FERMT2: variants seen among roughly 807,000 people sequenced by gnomAD.
FERMT2 encodes FERM domain containing kindlin 2, also known as fermitin family homolog 2.
A neutral mutation model predicts 82.7 loss-of-function variants in FERMT2; 15 were observed. The ratio of observed to expected loss-of-function variants is 0.18; its 90% CI spans 0.12 to 0.28. The LOEUF is 0.28. FERMT2 is among the 10% of genes least tolerant of loss of function. The probability of loss-of-function intolerance (pLI) is 1.00; values close to 1 mark genes in which losing one functional copy is unlikely to be tolerated. For synonymous variants in FERMT2, 274 were observed against 271.5 expected, an observed-to-expected ratio of 1.01 and a Z score of -0.09; for missense variants, 645 against 809.4, an observed-to-expected ratio of 0.80 and a Z score of 2.46.
At chr14:52,865,934 T>C (rs1007326369) in intron 10 of FERMT2, among the ~76,000 whole-genome samples, 3 of 152,218 alleles carry the variant, frequency 2.0e-5, no homozygotes, top group Admixed American at 6.5e-5. Flanking sequence ...TTTTAAAATA[T>C]TTACTACATA....
chr14:52,866,154 GAC>G (rs1885267160), intron 10 of FERMT2, among the ~76,000 whole-genome samples: 1 of 152,154 alleles, frequency 6.6e-6, no homozygotes, highest in Non-Finnish European at 1.5e-5. Context: ...AACAGGGAGA[GAC>G]AAAGTGGGTG....
At chr14:52,936,159 A>G (rs1406879954) in intron 2 of FERMT2, among the ~76,000 whole-genome samples, 1 of 152,240 alleles carries the variant, frequency 6.6e-6, no homozygotes, top group Non-Finnish European at 1.5e-5. Flanking sequence ...TTGGACTTAG[A>G]GAAGTATTAG....
chr14:52,944,541 A>G (rs1359486796), intron 2 of FERMT2, among the ~76,000 whole-genome samples: 1 of 152,228 alleles, frequency 6.6e-6, no homozygotes, highest in Non-Finnish European at 1.5e-5. Context: ...CCTAGTGTTT[A>G]AAGTATTTTT....
rs756300173 is a variant in FERMT2 at position 52,860,328 on chromosome 14, T to C, written c.1727+13A>G. 1.2e-6 allele frequency: 2 copies of C among 1,613,058 alleles called. No homozygotes were observed. The highest frequency in any genetic ancestry group is 2.2e-5 in the South Asian group (2 of 90,870). On this transcript the variant is annotated intron_variant, in intron 13 of 14. Transcript: ENST00000341590. ...AGATTAAGGTTTACACATAGATGCT[T>C]AGAACCACTGACCTTGCAATGAAGT...
At chr14:52,931,896 G>A (rs1233281806) in intron 2 of FERMT2, among the ~76,000 whole-genome samples, 2 of 152,116 alleles carry the variant, frequency 1.3e-5, no homozygotes, top group East Asian at 3.9e-4. Context: ...GGGTGTGGTA[G>A]CACACGCCTG....
rs1887500429 is a variant in FERMT2 at position 52,899,514 on chromosome 14, C to T, written c.392-6087G>A. Among the ~76,000 whole-genome samples, 3 of 152,274 alleles carry T rather than the reference C, an allele frequency of 2.0e-5. No homozygotes were observed. The South Asian group carries it at 6.2e-4, about 32-fold the overall frequency. On this transcript the variant is annotated intron_variant, in intron 3 of 14. Coordinates refer to ENST00000341590, the MANE Select transcript of FERMT2 (RefSeq NM_006832.3). ...AGCCAGGATAGTCACGATCTCCTGA[C>T]CTAGTGATCTGCCCTCCTCGGCCTC...
chr14:52,863,020 T>C (rs890899078), intron 12 of FERMT2: 4 of 150,656 alleles, frequency 2.7e-5, no homozygotes, highest in Non-Finnish European at 4.4e-5. Flanking sequence ...GCAAATAAGT[T>C]CACTTTTAGA....
intron 3 of FERMT2, among the ~76,000 whole-genome samples, chr14:52,897,828 T>C (rs887408799): frequency 6.6e-6 from 1 of 151,838 alleles, no homozygotes; most frequent in Non-Finnish European, 1.5e-5. Context: ...AATACAAAAT[T>C]AGCTGGGCAT....
intron 3 of FERMT2, among the ~76,000 whole-genome samples, chr14:52,907,544 T>C (rs558553036): frequency 2.5e-4 from 38 of 152,162 alleles, no homozygotes; most frequent in African/African-American, 8.7e-4. Context: ...GGGTTTAGCA[T>C]ATATAGGAGT....
At chr14:52,883,822 T>G (rs540442921) in intron 4 of FERMT2, among the ~76,000 whole-genome samples, 1 of 152,126 alleles carries the variant, frequency 6.6e-6, no homozygotes, top group Non-Finnish European at 1.5e-5. Context: ...GAGATCTGGT[T>G]GTTTAAAGTG....
intron 2 of FERMT2, among the ~76,000 whole-genome samples, chr14:52,945,073 G>GT (rs1035229656): frequency 1.6e-4 from 24 of 151,572 alleles, no homozygotes; most frequent in African/African-American, 5.6e-4. Context: ...GCTAATTTTT[G>GT]TATTTTCTGT....
At chr14:52,921,216 G>A (rs1888939055) in intron 2 of FERMT2, among the ~76,000 whole-genome samples, 1 of 152,200 alleles carries the variant, frequency 6.6e-6, no homozygotes, top group African/African-American at 2.4e-5. Context: ...TTCTCATTAT[G>A]GAAGAAACAT....
Position 52,893,177 on chromosome 14 carries a change from T to A in FERMT2, c.526+116A>T, listed in dbSNP as rs572871629. ...ATGCCTGGCTAATTGAAGTTTTTGT[T>A]TTTTTAACTTGACCACTCTTCCTGA... On this transcript the variant is annotated intron_variant, in intron 4 of 14. Transcript: ENST00000341590. The A allele has an allele frequency of 1.8e-4, 175 of 984,246 alleles. No homozygotes were observed. In the African/African-American group the frequency reaches 2.6e-3, roughly 15 times the overall value. The allele number at this position is 984,246 out of a possible 1,614,324, so 61.0% of individuals were successfully genotyped here. A position where few individuals can be genotyped will look rare whatever the true frequency, so the allele number is the denominator to read the frequency against.
At chr14:52,870,455 G>C (rs1043636380) in intron 10 of FERMT2, among the ~76,000 whole-genome samples, 2 of 152,060 alleles carry the variant, frequency 1.3e-5, no homozygotes, top group African/African-American at 4.8e-5. Flanking sequence ...CTCCATGTTG[G>C]TCAGGCTGGT....
At chr14:52,893,525 TTCTG>T (rs1887076079) in intron 3 of FERMT2, 98 bp from the exon 4 acceptor site, 1 of 919,768 alleles carries the variant, frequency 1.1e-6, no homozygotes, top group African/African-American at 1.7e-5. Flanking sequence ...TGTAACTTCC[TTCTG>T]TATGTCTGAG....
chr14:52,899,442 C>T (rs890783462), intron 3 of FERMT2, among the ~76,000 whole-genome samples: 1 of 152,146 alleles, frequency 6.6e-6, no homozygotes, highest in African/African-American at 2.4e-5. Flanking sequence ...GCCACCACAC[C>T]CAGCTAAGTT....
chr14:52,865,309 G>A (rs976300368), intron 10 of FERMT2, among the ~76,000 whole-genome samples: 1 of 152,128 alleles, frequency 6.6e-6, no homozygotes, highest in African/African-American at 2.4e-5. Context: ...CAACAAAAGC[G>A]AAACTCTCTC....
At chr14:52,877,129 A>T (rs1405992849) in intron 7 of FERMT2, among the ~76,000 whole-genome samples, 1 of 152,160 alleles carries the variant, frequency 6.6e-6, no homozygotes, top group Non-Finnish European at 1.5e-5. Context: ...CGTTTTGAGC[A>T]CCTACTATGT....
At chr14:52,908,255 T>C (rs1454482513) in intron 3 of FERMT2, among the ~76,000 whole-genome samples, 1 of 152,192 alleles carries the variant, frequency 6.6e-6, no homozygotes, top group Non-Finnish European at 1.5e-5. Context: ...ACAGCCACTT[T>C]GGAAAAGAAT....
Sources: gnomAD v4.1 joint callset for allele counts (sites outside exome capture counted in the v4.1 genomes callset) on GRCh38, gnomAD v4.1.1 for gene constraint, MANE v1.5 for transcripts, NCBI Gene and HGNC (gene_info 2026-07-23, HGNC 2026-07-21) for gene names.